CABIN1: variants seen among roughly 807,000 people sequenced by gnomAD.
The protein encoded by CABIN1 is calcineurin-binding protein cabin-1.
A neutral mutation model predicts 227.7 loss-of-function variants in CABIN1; 133 were observed. The ratio of observed to expected loss-of-function variants is 0.58; its 90% CI spans 0.51 to 0.67. The LOEUF (loss-of-function observed/expected upper bound fraction) is 0.67. Among genes scored for constraint, CABIN1 ranks in the 30% least tolerant of loss-of-function variants. The pLI is 0.00. For missense variants in CABIN1, 2,408 were observed against 2,852.5 expected, an observed-to-expected ratio of 0.84 and a Z score of 3.55; for synonymous variants, 1,086 against 1,155.1, an observed-to-expected ratio of 0.94 and a Z score of 1.21.
At chr22:24,172,274 C>T (rs1347258935) in intron 34 of CABIN1, among the ~76,000 whole-genome samples, 1 of 152,196 alleles carries the variant, frequency 6.6e-6, no homozygotes, top group Non-Finnish European at 1.5e-5. Flanking sequence ...AACACCATCA[C>T]GGACGTGTTT....
intron 29 of CABIN1, among the ~76,000 whole-genome samples, chr22:24,142,079 A>C (rs919976759): frequency 6.6e-6 from 1 of 152,080 alleles, no homozygotes; most frequent in Non-Finnish European, 1.5e-5. Context: ...ATTCGCCACC[A>C]GTTGGTTGTG....
intron 32 of CABIN1, 98 bp from the exon 33 acceptor site, chr22:24,168,349 C>T (rs949334010): frequency 4.1e-6 from 5 of 1,222,906 alleles, no homozygotes; most frequent in East Asian, 2.5e-5. Context: ...AGGGCATGCC[C>T]CCTACCTAGG....
chr22:24,110,160 C>T (rs1291584601), intron 26 of CABIN1, among the ~76,000 whole-genome samples: 1 of 152,048 alleles, frequency 6.6e-6, no homozygotes, highest in Non-Finnish European at 1.5e-5. Flanking sequence ...AACACAAGAC[C>T]CTGTCTCAAA....
chr22:24,095,314 G>A (rs1190888916), intron 24 of CABIN1, among the ~76,000 whole-genome samples: 1 of 152,264 alleles, frequency 6.6e-6, no homozygotes, highest in African/African-American at 2.4e-5. Flanking sequence ...ATTCCCGGCT[G>A]TGGGGCCTTG....
chr22:24,147,459 T>C (rs1406871701), intron 29 of CABIN1, among the ~76,000 whole-genome samples: 2 of 150,820 alleles, frequency 1.3e-5, no homozygotes, highest in Non-Finnish European at 1.5e-5. Context: ...CTTTCTTTTT[T>C]TTTTGAGACA....
intron 26 of CABIN1, among the ~76,000 whole-genome samples, chr22:24,103,688 G>A (rs1187595574): frequency 6.6e-6 from 1 of 152,200 alleles, no homozygotes; most frequent in Non-Finnish European, 1.5e-5. Flanking sequence ...TCAGCGAAGA[G>A]CCACTCACCT....
intron 29 of CABIN1, 82 bp from the exon 30 acceptor site, chr22:24,164,318 T>C: frequency 1.9e-6 from 3 of 1,565,164 alleles, no homozygotes; most frequent in Non-Finnish European, 2.6e-6. Flanking sequence ...CTGTGGCAGT[T>C]TCCAGGGGAT....
intron 1 of CABIN1, among the ~76,000 whole-genome samples, chr22:24,019,049 T>C (rs1286239510): frequency 8.6e-5 from 13 of 151,896 alleles, no homozygotes; most frequent in Admixed American, 8.5e-4. Context: ...TGTCTTCTTT[T>C]ATGGTTTGTA....
chr22:24,079,521 G>C (rs1357994011), intron 19 of CABIN1, among the ~76,000 whole-genome samples: 2 of 152,128 alleles, frequency 1.3e-5, no homozygotes. Flanking sequence ...ACTTTTGATA[G>C]CTGTGTGGGA....
intron 10 of CABIN1, among the ~76,000 whole-genome samples, chr22:24,057,053 C>G (rs1298614687): frequency 6.6e-6 from 1 of 152,112 alleles, no homozygotes; most frequent in Non-Finnish European, 1.5e-5. Context: ...TCTCCTGCCT[C>G]AGCCTCACGC....
chr22:24,160,779 T>C (rs2046107079), intron 29 of CABIN1, among the ~76,000 whole-genome samples: 1 of 152,230 alleles, frequency 6.6e-6, no homozygotes, highest in Admixed American at 6.5e-5. Context: ...CTCGAAGTGG[T>C]GCCACCTGCC....
chr22:24,056,410 C>T (rs940016287), intron 10 of CABIN1, 50 bp downstream of exon 10: 2 of 1,562,390 alleles, frequency 1.3e-6, no homozygotes, highest in Admixed American at 3.3e-5. Context: ...AAAGCTCCAG[C>T]ATACACCATC....
chr22:24,097,965 A>T (rs1569211042), intron 25 of CABIN1, 49 bp from the exon 26 acceptor site: 1 of 1,609,070 alleles, frequency 6.2e-7, no homozygotes, highest in Non-Finnish European at 8.5e-7. Context: ...CATCTGTTTC[A>T]ATGTGAGGTG....
At chr22:24,168,719 G>T (rs766942833) in intron 33 of CABIN1, among the ~76,000 whole-genome samples, 198 bp downstream of exon 33, 2 of 152,240 alleles carry the variant, frequency 1.3e-5, no homozygotes, top group Non-Finnish European at 2.9e-5. Flanking sequence ...CCAGACCCCA[G>T]TTCAGACATG....
intron 15 of CABIN1, among the ~76,000 whole-genome samples, chr22:24,065,245 C>T (rs1275266071): frequency 6.6e-6 from 1 of 151,956 alleles, no homozygotes; most frequent in Non-Finnish European, 1.5e-5. Flanking sequence ...CCTCACTTCT[C>T]AGACGGGGCG....
chr22:24,087,387 T>G, intron 22 of CABIN1, 65 bp from the exon 23 acceptor site: 1 of 1,600,326 alleles, frequency 6.2e-7, no homozygotes, highest in Non-Finnish European at 8.5e-7. Context: ...TCCACTAGGC[T>G]GTCATTATCT....
intron 26 of CABIN1, among the ~76,000 whole-genome samples, chr22:24,109,643 T>C (rs1389336769): frequency 1.3e-5 from 2 of 152,156 alleles, no homozygotes; most frequent in East Asian, 1.9e-4. Context: ...AAAGGGTTGG[T>C]GGACCCTAGG....
At chr22:24,129,635 C>T (rs1009437867) in intron 28 of CABIN1, among the ~76,000 whole-genome samples, 6 of 152,250 alleles carry the variant, frequency 3.9e-5, no homozygotes, top group African/African-American at 1.4e-4. Flanking sequence ...TCAGTGAAGT[C>T]AGACTGTGTC....
rs902497033 is a variant in CABIN1 at position 24,177,426 on chromosome 22, G to A, written c.6206-78G>A. ...AGCATAAAGGCCCAGGACCTGGGGG[G>A]AGCGGGTGGGGGCGAGATAAAGTGC... is the stretch of plus-strand genomic sequence containing the variant. On this transcript the variant is annotated intron_variant, in intron 35 of 36. Coordinates refer to ENST00000263119, the MANE Select transcript of CABIN1 (RefSeq NM_012295.4). This position sits in a 1 kb window ranked among gnomAD's most constrained non-coding sequence, Gnocchi z 4.4. 1 of 1,256,624 alleles carries A rather than the reference G, an allele frequency of 8.0e-7. No homozygotes were observed. The highest frequency in any genetic ancestry group is 1.5e-5 in the South Asian group (1 of 68,822). The allele number at this position is 1,256,624 out of a possible 1,614,324, so 77.8% of individuals were successfully genotyped here.
Sources: allele counts gnomAD v4.1 joint callset (sites outside exome capture counted in the v4.1 genomes callset), GRCh38; gene constraint gnomAD v4.1.1; non-coding constraint Gnocchi (gnomAD v3.1); transcripts MANE v1.5; gene names NCBI Gene and HGNC (gene_info 2026-07-23, HGNC 2026-07-21).